FAM149A: variants seen among roughly 807,000 people sequenced by gnomAD.
FAM149A encodes protein FAM149A.
Under a neutral mutation model 78.2 loss-of-function variants are expected in FAM149A, and 71 were observed. The ratio of observed to expected loss-of-function variants is 0.91; its 90% CI spans 0.75 to 1.11. The LOEUF is 1.11. Among genes scored for constraint, FAM149A ranks in the 50% least tolerant of loss-of-function variants. FAM149A has a pLI of 0.00. For missense variants in FAM149A, 1,036 were observed against 971.0 expected (o/e 1.07, Z -0.89); for synonymous variants, 446 against 410.5 (o/e 1.09, Z -1.04).
rs955732306 is a variant in FAM149A, at chr4:186,164,516, G to A, written c.1890-828G>A. ...AGATGCAGTCATAACCCCCCTTTCA[G>A]CTTTTTAATTGGTGACTGTTTCTTT... On this transcript the variant is annotated intron_variant, in intron 10 of 13. Transcript: ENST00000389354. The surrounding 1 kb of genome is among the most constrained non-coding windows in gnomAD (Gnocchi z 4.0). 2.0e-6 allele frequency: 2 copies of A among 983,414 alleles called. No homozygotes were observed. Among genetic ancestry groups the A allele is most frequent in the South Asian group, 9.4e-5 (2 of 21,248 alleles). The allele number at this position is 983,414 out of a possible 1,614,324, so 60.9% of individuals were successfully genotyped here. A position where few individuals can be genotyped will look rare whatever the true frequency, so the allele number is the denominator to read the frequency against.
At position 186,167,252 on chromosome 4, in the gene FAM149A, T is replaced by C; in HGVS notation, c.2208T>C (p.Ser736=). ...CTGCTCACACATGGACAGGTCAAAG[T>C]ATTTTGACAGGTCAGCTTTTCTCCA... Residue 736 remains serine, a synonymous_variant, in exon 13 of 14, where the codon AGT becomes AGC. Coordinates refer to ENST00000389354, the MANE Select transcript of FAM149A (RefSeq NM_001367768.3). 6.2e-7 allele frequency: 1 copy of C among 1,613,132 alleles called. No individual in the cohort carries two copies. The highest frequency in any genetic ancestry group is 8.5e-7 in the Non-Finnish European group (1 of 1,179,072).
Position 186,174,589 on chromosome 4 carries a change from T to TTA in FAM149A, c.*2614_*2615dup, listed in dbSNP as rs1326781240. ...AGGTTTGCAAATAAGAATCTATTATTTATATATATATATTGGTAAAAGACA... is the reference window on the plus strand; with the variant it reads ...AGGTTTGCAAATAAGAATCTATTATTTATATATATATATATTGGTAAAAGACA... On this transcript the variant is annotated 3_prime_UTR_variant, in exon 14 of 14. Coordinates refer to ENST00000389354, the MANE Select transcript of FAM149A (RefSeq NM_001367768.3). 1.1e-4 allele frequency among the ~76,000 whole-genome samples: 12 copies of TTA among 109,876 alleles called. 3 individuals carry two copies. Among genetic ancestry groups the TTA allele is most frequent in the East Asian group, 2.2e-4 (1 of 4,462 alleles). 72.1% of individuals were successfully genotyped at this position (109,876 alleles called of 152,430 possible).
intron 1 of FAM149A, among the ~76,000 whole-genome samples, chr4:186,134,201 C>G (rs1346265437): frequency 6.6e-6 from 1 of 152,142 alleles, no homozygotes; most frequent in African/African-American, 2.4e-5. Context: ...ATCTTTTTTA[C>G]ATTTTTTGGC....
intron 1 of FAM149A, chr4:186,127,147 C>T: frequency 1.0e-6 from 1 of 985,124 alleles, no homozygotes; most frequent in Non-Finnish European, 1.2e-6. Flanking sequence ...CACGGGCCAA[C>T]AGGAGCAACT....
At chr4:186,165,249 G>C in intron 10 of FAM149A, 95 bp from the exon 11 acceptor site, 1 of 1,400,818 alleles carries the variant, frequency 7.1e-7, no homozygotes, top group Non-Finnish European at 1.0e-6. Flanking sequence ...TGCCCCTCAC[G>C]CAGAAACATT....
intron 3 of FAM149A, 45 bp from the exon 4 acceptor site, chr4:186,151,858 T>C (rs1733611425): frequency 1.2e-6 from 2 of 1,605,762 alleles, no homozygotes; most frequent in Non-Finnish European, 1.7e-6. Context: ...AAGCCCGCAG[T>C]TCTGTAACTT....
At chr4:186,166,113 C>T (rs1414305161) in intron 11 of FAM149A, among the ~76,000 whole-genome samples, 2 of 152,134 alleles carry the variant, frequency 1.3e-5, no homozygotes, top group Non-Finnish European at 2.9e-5. Flanking sequence ...CATGCATATC[C>T]AGGCAGCCCC....
chr4:186,141,874 C>T (rs933609043), intron 1 of FAM149A, among the ~76,000 whole-genome samples: 3 of 152,126 alleles, frequency 2.0e-5, no homozygotes, highest in Non-Finnish European at 2.9e-5. Context: ...CATCTCAGGT[C>T]AGTGTGGTTT....
At chr4:186,163,377 T>TC (rs1734767297) in intron 9 of FAM149A, 47 bp from the exon 10 acceptor site, 1 of 1,514,678 alleles carries the variant, frequency 6.6e-7, no homozygotes. Context: ...GCGTTCCCTG[T>TC]TATCACAGCA....
At chr4:186,136,990 C>CTCTT (rs2099323448) in intron 1 of FAM149A, among the ~76,000 whole-genome samples, 11 of 92,794 alleles carry the variant, frequency 1.2e-4, no homozygotes, top group Non-Finnish European at 1.3e-4. Flanking sequence ...CTCTCTCTCT[C>CTCTT]TCTCTCTCTC....
At chr4:186,125,897 C>T in intron 1 of FAM149A, 1 of 985,294 alleles carries the variant, frequency 1.0e-6, no homozygotes, top group South Asian at 4.7e-5. Context: ...GAGTGTGGCA[C>T]CCTCTCTGTG....
At chr4:186,162,804 G>A in intron 8 of FAM149A, 41 bp from the exon 9 acceptor site, 1 of 999,792 alleles carries the variant, frequency 1.0e-6, no homozygotes, top group Non-Finnish European at 1.4e-6. Flanking sequence ...CTGGGCATTT[G>A]TAATTCTTTT....
chr4:186,135,498 C>A (rs565838612), intron 1 of FAM149A, among the ~76,000 whole-genome samples: 3 of 152,240 alleles, frequency 2.0e-5, no homozygotes, highest in East Asian at 1.9e-4. Context: ...GGGTTCGCGT[C>A]CTGTGAGTCT....
rs1361070712 is a variant in FAM149A at position 186,144,885 on chromosome 4, C to A, written c.567-4288C>A. 9.3e-5 allele frequency: 90 copies of A among 971,758 alleles called. No homozygotes were observed. In the Middle Eastern group the frequency reaches 1.6e-3, roughly 17 times the overall value. 60.2% of individuals were successfully genotyped at this position (971,758 alleles called of 1,614,324 possible). ...AAGGGGCGTGCGAGCCCCGCGGACC[C>A]CGGGCGCGCCCGGGCCGCCTGAGCT... On this transcript the variant is annotated intron_variant, in intron 1 of 13. Transcript: ENST00000389354. This position sits in a 1 kb window ranked among gnomAD's most constrained non-coding sequence, Gnocchi z 4.2.
In FAM149A at chr4:186,165,471, C is replaced by A. The variant is rs772793751; in HGVS notation, c.2010+7C>A. ...TGGATGCCGCCTTGTTTCTGTAAGA[C>A]AGATTTCATTCTATTTCAGTGGACC... On this transcript the variant is annotated splice_region_variant and intron_variant, in intron 11 of 13. Transcript: ENST00000389354. 34 of 1,614,016 alleles carry A rather than the reference C, an allele frequency of 2.1e-5. No homozygotes were observed. The African/African-American group carries it at 4.5e-4, about 22-fold the overall frequency.
intron 1 of FAM149A, chr4:186,118,350 C>G: frequency 7.8e-6 from 4 of 509,882 alleles, no homozygotes; most frequent in Non-Finnish European, 1.0e-5. Flanking sequence ...TACTTGTTCC[C>G]TGTCCATGAA....
chr4:186,130,293 C>CTCTCTATATATATATATATATA, intron 1 of FAM149A: 5 of 46,588 alleles, frequency 1.1e-4, no homozygotes, highest in African/African-American at 3.6e-4. Context: ...CTCTCTCTCT[C>CTCTCTATATATATATATATATA]TATATATATA....
chr4:186,158,592 C>G, intron 8 of FAM149A: 1 of 221,222 alleles, frequency 4.5e-6, no homozygotes. Flanking sequence ...GCCTGCTGAG[C>G]ATTGCCGCCC....
chr4:186,151,772 G>A (rs1733604096), intron 3 of FAM149A, 131 bp from the exon 4 acceptor site: 3 of 1,449,600 alleles, frequency 2.1e-6, no homozygotes, highest in Admixed American at 4.6e-5. Flanking sequence ...TGACTGCAAA[G>A]CCACCATCTT....
Sources: allele counts gnomAD v4.1 joint callset (sites outside exome capture counted in the v4.1 genomes callset), GRCh38; gene constraint gnomAD v4.1.1; non-coding constraint Gnocchi (gnomAD v3.1); transcripts MANE v1.5; gene names NCBI Gene and HGNC (gene_info 2026-07-23, HGNC 2026-07-21).